CCDC122: variants seen among roughly 807,000 people sequenced by gnomAD.
CCDC122 encodes coiled-coil domain containing 122, also known as coiled-coil domain-containing protein 122.
Under a neutral mutation model 37.0 loss-of-function variants are expected in CCDC122, and 38 were observed. The ratio of observed to expected loss-of-function variants is 1.03; its 90% confidence interval spans 0.79 to 1.35. The LOEUF is 1.35. Among genes scored for constraint, CCDC122 ranks in the 40% most tolerant of loss-of-function variants. CCDC122 has a pLI of 0.00. For missense variants in CCDC122, 305 were observed against 310.0 expected (o/e 0.98, Z 0.12); for synonymous variants, 83 against 95.6 (o/e 0.87, Z 0.77).
At chr13:43,852,012 G>A (rs1044060416) in intron 6 of CCDC122, among the ~76,000 whole-genome samples, 2 of 151,828 alleles carry the variant, frequency 1.3e-5, no homozygotes, top group Admixed American at 6.6e-5. Flanking sequence ...TAAAGATGAG[G>A]AGCATAAGCC....
chr13:43,858,517 G>C (rs1429573921), intron 6 of CCDC122: 1 of 186,734 alleles, frequency 5.4e-6, no homozygotes, highest in African/African-American at 2.4e-5. Flanking sequence ...TTAGTGGAAT[G>C]AGAAAAACCT....
intron 3 of CCDC122, among the ~76,000 whole-genome samples, chr13:43,827,289 T>C (rs1953049147): frequency 1.3e-5 from 2 of 152,248 alleles, no homozygotes; most frequent in Admixed American, 1.3e-4. Flanking sequence ...TGTAAAATTA[T>C]ACAAGTAGAT....
At chr13:43,836,237 T>C (rs1953156897), downstream of CCDC122, 1 of 152,244 alleles carries the variant, frequency 6.6e-6, no homozygotes, top group African/African-American at 2.4e-5. Context: ...AAGTTAACAT[T>C]TGATTTATTG....
chr13:43,837,436 AAAG>A lies in CCDC122; in HGVS notation c.673-10_673-8del. ...CATACCTCTTATGTTGTACCTATCAAAAGAAGAGCACACATCAACAGGGCTTGT... is the reference window on the plus strand; with the variant it reads ...CATACCTCTTATGTTGTACCTATCAAAAGAGCACACATCAACAGGGCTTGT... On this transcript the variant is annotated splice_region_variant and splice_polypyrimidine_tract_variant and intron_variant, in intron 6 of 6. Coordinates refer to ENST00000444614, the MANE Select transcript of CCDC122 (RefSeq NM_144974.5). 1 of 1,609,252 alleles carries A rather than the reference AAAG, an allele frequency of 6.2e-7. No homozygotes were observed. Among genetic ancestry groups the A allele is most frequent in the Non-Finnish European group, 8.5e-7 (1 of 1,178,534 alleles).
At chr13:43,868,153 C>T (rs920532750) in intron 4 of CCDC122, among the ~76,000 whole-genome samples, 6 of 152,122 alleles carry the variant, frequency 3.9e-5, no homozygotes, top group South Asian at 2.1e-4. Flanking sequence ...TAATAACAAT[C>T]GTTACAGAGC....
chr13:43,862,452 T>C (rs1954137331), intron 4 of CCDC122, among the ~76,000 whole-genome samples: 1 of 152,190 alleles, frequency 6.6e-6, no homozygotes, highest in African/African-American at 2.4e-5. Context: ...AACCAACCAC[T>C]ATTCCACTCC....
At chr13:43,838,979 A>C (rs1351147888) in intron 6 of CCDC122, among the ~76,000 whole-genome samples, 1 of 152,212 alleles carries the variant, frequency 6.6e-6, no homozygotes, top group Non-Finnish European at 1.5e-5. Flanking sequence ...CATGCCTGCA[A>C]TAAGGTTAAC....
intron 3 of CCDC122, among the ~76,000 whole-genome samples, chr13:43,828,093 C>A (rs998561782): frequency 6.6e-6 from 1 of 152,106 alleles, no homozygotes; most frequent in Non-Finnish European, 1.5e-5. Context: ...GGATTCTGTG[C>A]CCATGGAAAG....
chr13:43,825,534 C>T (rs943989651), intron 3 of CCDC122, among the ~76,000 whole-genome samples: 3 of 152,042 alleles, frequency 2.0e-5, no homozygotes, highest in Non-Finnish European at 2.9e-5. Context: ...TTTTGGGAGG[C>T]CAACTTGGGT....
At chr13:43,845,667 T>A (rs984638641) in intron 6 of CCDC122, among the ~76,000 whole-genome samples, 1 of 152,172 alleles carries the variant, frequency 6.6e-6, no homozygotes, top group African/African-American at 2.4e-5. Context: ...AGCTGAGATC[T>A]TGCCACTGCA....
At chr13:43,865,921 G>A (rs1025216431) in intron 4 of CCDC122, among the ~76,000 whole-genome samples, 1 of 152,120 alleles carries the variant, frequency 6.6e-6, no homozygotes, top group African/African-American at 2.4e-5. Context: ...TGTGGCATAT[G>A]TGAATTGCCA....
Position 43,869,489 on chromosome 13 carries a change from C to A in CCDC122, c.-113G>T. The A allele has an allele frequency of 1.3e-6, 1 of 747,904 alleles. No homozygotes were observed. The highest frequency in any genetic ancestry group is 1.9e-5 in the South Asian group (1 of 53,518). The allele number at this position is 747,904 out of a possible 1,614,324, so 46.3% of individuals were successfully genotyped here. ...TTTTTTCCTGTTGTATATTGGTGAT[C>A]CTGAAAGGTAAATTAATTGTCAAAC... On this transcript the variant is annotated splice_region_variant and 5_prime_UTR_variant, in exon 3 of 7. Transcript: ENST00000444614.
chr13:43,825,220 C>G (rs952469953), intron 3 of CCDC122, among the ~76,000 whole-genome samples: 1 of 152,124 alleles, frequency 6.6e-6, no homozygotes, highest in African/African-American at 2.4e-5. Flanking sequence ...ACTATGCATC[C>G]ATGAGAAAGA....
chr13:43,855,363 CCACACA>C (rs146757703), intron 6 of CCDC122: 5,333 of 145,448 alleles, frequency 0.037, 155 homozygotes, highest in East Asian at 0.075. Context: ...TTCACAGTTG[CCACACA>C]CACACACACA....
chr13:43,853,331 A>G (rs1268547325), intron 6 of CCDC122, among the ~76,000 whole-genome samples: 1 of 152,146 alleles, frequency 6.6e-6, no homozygotes, highest in Non-Finnish European at 1.5e-5. Flanking sequence ...AAAAATCAGG[A>G]GTTGCAATCC....
downstream of CCDC122, among the ~76,000 whole-genome samples, chr13:43,820,139 T>C (rs1448901400): frequency 6.6e-6 from 1 of 152,234 alleles, no homozygotes; most frequent in Non-Finnish European, 1.5e-5. Context: ...TATAAACTGA[T>C]GGGTTTTTAA....
intron 3 of CCDC122, among the ~76,000 whole-genome samples, chr13:43,830,296 GGGA>G (rs1199905048): frequency 1.3e-5 from 2 of 152,176 alleles, no homozygotes; most frequent in African/African-American, 2.4e-5. Flanking sequence ...TAAGGGAGGA[GGGA>G]GGAACAGGGA....
At chr13:43,821,198 T>C (rs1037235500), downstream of CCDC122, among the ~76,000 whole-genome samples, 1 of 152,192 alleles carries the variant, frequency 6.6e-6, no homozygotes, top group African/African-American at 2.4e-5. Context: ...GACTTGAGTA[T>C]TGATATCTTT....
chr13:43,863,547 A>G (rs566167932), intron 4 of CCDC122, among the ~76,000 whole-genome samples: 1 of 152,330 alleles, frequency 6.6e-6, no homozygotes, highest in South Asian at 2.1e-4. Context: ...TCAAGAAAGT[A>G]TAAACTGTTT....
Sources: gnomAD v4.1 joint callset for allele counts (sites outside exome capture counted in the v4.1 genomes callset) on GRCh38, gnomAD v4.1.1 for gene constraint, MANE v1.5 for transcripts, NCBI Gene and HGNC (gene_info 2026-07-23, HGNC 2026-07-21) for gene names.